Variants in PSMG2 observed in about 807,000 individuals in gnomAD.
The protein encoded by PSMG2 is proteasome assembly chaperone 2, also known as CD40 ligand-activated specific transcript 3.
A neutral mutation model predicts 31.5 loss-of-function variants in PSMG2; 21 were observed. The observed-to-expected ratio is 0.67, with a 90% CI of 0.47 to 0.96. The LOEUF is 0.96. Among genes scored for constraint, PSMG2 ranks in the 40% least tolerant of loss-of-function variants. The pLI is 0.00. For synonymous variants in PSMG2, 120 were observed against 110.4 expected (o/e 1.09, Z -0.54); for missense variants, 318 against 321.2 (o/e 0.99, Z 0.08).
chr18:12,696,364 G>A (rs1304641879), intron 1 of PSMG2, among the ~76,000 whole-genome samples: 1 of 152,052 alleles, frequency 6.6e-6, no homozygotes, highest in Non-Finnish European at 1.5e-5. Context: ...TTAGCTGGGT[G>A]TGGTGGTGCA....
chr18:12,672,791 ATTAG>A (rs2038980971), intron 1 of PSMG2: 2 of 980,628 alleles, frequency 2.0e-6, no homozygotes, highest in African/African-American at 3.5e-5. Flanking sequence ...CTTTTCTGGT[ATTAG>A]TTTTTTCCTA....
chr18:12,724,288 T>C, intron 5 of PSMG2: 2 of 461,578 alleles, frequency 4.3e-6, no homozygotes, highest in East Asian at 3.5e-5. Context: ...TGAGGCATGA[T>C]TGTGCGTGTT....
At chr18:12,712,793 T>A in intron 3 of PSMG2, 33 bp downstream of exon 3, 2 of 1,501,870 alleles carry the variant, frequency 1.3e-6, no homozygotes, top group Non-Finnish European at 1.8e-6. Context: ...TTTTGTTTAT[T>A]AAAGTGTAAT....
At chr18:12,720,787 A>T in intron 5 of PSMG2, 104 bp downstream of exon 5, 3 of 1,168,988 alleles carry the variant, frequency 2.6e-6, no homozygotes, top group Non-Finnish European at 2.4e-6. Context: ...GTGACAGAGC[A>T]AGACTCTGTC....
At chr18:12,724,196 G>A (rs2040454755) in intron 5 of PSMG2, 2 of 258,412 alleles carry the variant, frequency 7.7e-6, no homozygotes, top group Non-Finnish European at 1.4e-5. Context: ...GTCTTCTGAA[G>A]TAGGTTTGGG....
At chr18:12,687,380 T>A (rs1346503088) in intron 1 of PSMG2, among the ~76,000 whole-genome samples, 1 of 152,120 alleles carries the variant, frequency 6.6e-6, no homozygotes, top group Non-Finnish European at 1.5e-5. Context: ...GAAAGATCAT[T>A]AATTTTTATG....
At chr18:12,661,491 G>A (rs1435909826) in intron 1 of PSMG2, 2 of 344,094 alleles carry the variant, frequency 5.8e-6, no homozygotes, top group African/African-American at 4.5e-5. Flanking sequence ...AAGATTTGAG[G>A]CCAGGCGCAG....
At chr18:12,665,165 T>C (rs2038779101) in intron 1 of PSMG2, 1 of 152,182 alleles carries the variant, frequency 6.6e-6, no homozygotes, top group South Asian at 2.1e-4. Context: ...ACATAAAATA[T>C]GACTTCCCTT....
At position 12,712,749 on chromosome 18, in the gene PSMG2, A is replaced by G; in HGVS notation, c.277A>G (p.Ile93Val). The change falls in exon 3 of 7, where the codon ATT (isoleucine) becomes GTT (valine). Residue 93 changes from isoleucine to valine, a missense_variant. Transcript: ENST00000317615. ...GCTGGTGGCTCTACAGTTAAGATCC[A>G]TTTTTATTAAGGTTAGTATGTTGTA... ...RKLVALQLRSIFIKYKSKPFC... is the reference protein window; with the variant it reads ...RKLVALQLRSVFIKYKSKPFC... 1 of 1,605,234 alleles carries G rather than the reference A, an allele frequency of 6.2e-7. No homozygotes were observed. The highest frequency in any genetic ancestry group is 8.5e-7 in the Non-Finnish European group (1 of 1,173,620).
At position 12,725,536 on chromosome 18, in the gene PSMG2, AT is replaced by A; in HGVS notation, c.*8del. On this transcript the variant is annotated 3_prime_UTR_variant, in exon 7 of 7. Transcript: ENST00000317615. ...CTTCCCCCTGCACTTTTCTGATCTAATTTCTGTTTTATACCTTATACCCAAA... is the reference window on the plus strand; with the variant it reads ...CTTCCCCCTGCACTTTTCTGATCTAATTCTGTTTTATACCTTATACCCAAA... The A allele has an allele frequency of 3.8e-6, 6 of 1,570,222 alleles. No homozygotes were observed. Among genetic ancestry groups the A allele is most frequent in the Non-Finnish European group, 5.3e-6 (6 of 1,141,594 alleles).
chr18:12,718,554 G>C lies in PSMG2; in HGVS notation c.326G>C (p.Trp109Ser). The part of the protein sequence containing the change: ...SKPFCEKLLS[W>S]VKSSGCARVI... ...CCATTCTGTGAAAAACTGCTTTCCT[G>C]GGTGAAAAGCAGTGGCTGTGCCAGA... The change falls in exon 4 of 7, where the codon TGG (tryptophan) becomes TCG (serine). Residue 109 changes from tryptophan (W) to serine (S), a missense_variant. Physicochemically the swap from Trp to Ser is radical, Grantham distance 177. Coordinates refer to ENST00000317615, the MANE Select transcript of PSMG2 (RefSeq NM_020232.5). 6.2e-7 allele frequency: 1 copy of C among 1,611,690 alleles called. No homozygotes were observed.
chr18:12,688,262 C>T (rs1568023115), intron 1 of PSMG2, among the ~76,000 whole-genome samples: 2 of 150,898 alleles, frequency 1.3e-5, no homozygotes, highest in South Asian at 4.2e-4. Flanking sequence ...ACCTAGTGGC[C>T]TTAAAGTTCA....
upstream of PSMG2, chr18:12,702,784 G>T (rs989189379): frequency 1.7e-6 from 1 of 579,340 alleles, no homozygotes; most frequent in South Asian, 2.1e-5. Context: ...CAGGGCTTGG[G>T]GCTGGCCCGC....
chr18:12,723,612 G>A (rs1301653663), intron 5 of PSMG2, among the ~76,000 whole-genome samples: 4 of 151,970 alleles, frequency 2.6e-5, no homozygotes, highest in South Asian at 2.1e-4. Context: ...GGCTGGTCTC[G>A]AACTCCTGAC....
intron 1 of PSMG2, among the ~76,000 whole-genome samples, chr18:12,677,475 A>G (rs2039183356): frequency 6.6e-6 from 1 of 151,062 alleles, no homozygotes; most frequent in African/African-American, 2.4e-5. Context: ...AAAAAAAAAA[A>G]AAAAAAAAAG....
intron 4 of PSMG2, among the ~76,000 whole-genome samples, chr18:12,718,900 C>T (rs555356451): frequency 5.3e-5 from 8 of 151,986 alleles, no homozygotes; most frequent in African/African-American, 1.7e-4. Context: ...TAGTGTTTCC[C>T]GTCACATACA....
intron 1 of PSMG2, chr18:12,678,193 A>G (rs750097953): frequency 1.9e-6 from 3 of 1,614,194 alleles, no homozygotes; most frequent in Admixed American, 1.7e-5. Flanking sequence ...ATGCACACAG[A>G]GGTGGAAAGG....
intron 4 of PSMG2, among the ~76,000 whole-genome samples, chr18:12,719,174 G>A (rs2040405842): frequency 6.6e-6 from 1 of 151,128 alleles, no homozygotes; most frequent in Non-Finnish European, 1.5e-5. Flanking sequence ...GCCTCCCAAA[G>A]TATTGGGATT....
intron 1 of PSMG2, among the ~76,000 whole-genome samples, chr18:12,705,566 AGAGAGAGAGAGT>A (rs1290969677): frequency 5.4e-5 from 7 of 128,452 alleles, no homozygotes; most frequent in Admixed American, 8.5e-5. Flanking sequence ...AGAGAGAGAG[AGAGAGAGAGAGT>A]GTGTGTGTGT....
Sources: gnomAD v4.1 joint callset for allele counts (sites outside exome capture counted in the v4.1 genomes callset) on GRCh38, gnomAD v4.1.1 for gene constraint, MANE v1.5 for transcripts, NCBI Gene and HGNC (gene_info 2026-07-23, HGNC 2026-07-21) for gene names.